The following ITM2B variants were observed in gnomAD, a reference collection of about 807,000 sequenced individuals.
ITM2B encodes integral membrane protein 2B.
Under a neutral mutation model 27.8 loss-of-function variants are expected in ITM2B, and 11 were observed. The observed-to-expected ratio is 0.40, with a 90% CI of 0.25 to 0.66. The LOEUF is 0.66. Among genes scored for constraint, ITM2B ranks in the 30% least tolerant of loss-of-function variants. The pLI, the probability that ITM2B is intolerant of heterozygous loss-of-function variation, is 0.43. For missense variants in ITM2B, 296 were observed against 328.9 expected (o/e 0.90, Z 0.77); for synonymous variants, 114 against 114.3 (o/e 1.00, Z 0.02).
intron 1 of ITM2B, among the ~76,000 whole-genome samples, chr13:48,246,834 G>GTT (rs1951726890): frequency 6.6e-6 from 1 of 151,934 alleles, no homozygotes; most frequent in Non-Finnish European, 1.5e-5. Flanking sequence ...TTAGTTTTTG[G>GTT]TTTTGTTTTG....
rs143972203 is a variant in ITM2B, at chr13:48,255,362, G to A, written c.247-815G>A. On this transcript the variant is annotated intron_variant, in intron 2 of 5. Transcript: ENST00000647800. ...GCTGGAGTGCGGTGGTGCAATCACA[G>A]CTCACTGTAGCCTCAACCTCTTGGG... Among the ~76,000 whole-genome samples, 815 of 152,176 alleles carry A rather than the reference G, an allele frequency of 5.4e-3. 7 individuals carry two copies. The highest frequency in any genetic ancestry group is 8.1e-3 in the Non-Finnish European group (553 of 67,992).
chr13:48,248,417 C>T (rs116220352), intron 1 of ITM2B, among the ~76,000 whole-genome samples: 2,682 of 151,740 alleles, frequency 0.018, 86 homozygotes, highest in African/African-American at 0.061. Flanking sequence ...AGTATAGGCA[C>T]GAGCCACTGG....
chr13:48,250,078 A>G (rs2137987991), intron 1 of ITM2B, among the ~76,000 whole-genome samples: 1 of 152,342 alleles, frequency 6.6e-6, no homozygotes, highest in South Asian at 2.1e-4. Context: ...ATTCTTGACT[A>G]TAAATCGCTC....
In ITM2B at chr13:48,267,087, A is replaced by G. The variant is rs1432931019; in HGVS notation, c.*5863A>G. 1 of 152,168 alleles carries G rather than the reference A, an allele frequency of 6.6e-6. No individual in the cohort carries two copies. The highest frequency in any genetic ancestry group is 1.5e-5 in the Non-Finnish European group (1 of 68,022). The allele number at this position is 152,168 out of a possible 1,614,324, so 9.4% of individuals were successfully genotyped here. A position where few individuals can be genotyped will look rare whatever the true frequency, so the allele number is the denominator to read the frequency against. On this transcript the variant is annotated 3_prime_UTR_variant, in exon 6 of 6. Coordinates refer to ENST00000647800, the MANE Select transcript of ITM2B (RefSeq NM_021999.5). ...CCAGGCAGGATGCTAAATGTCTTAA[A>G]AGTCCGGGAGTCCTGCACAAAAAAT... is the stretch of plus-strand genomic sequence containing the variant.
chr13:48,263,554 C>G lies in ITM2B; in HGVS notation c.*2330C>G, dbSNP rs1019122485. Reference sequence around the variant, plus strand: ...CCCAGTGGGTTCCAGGGAGACTCAGCTATCCTTCCCTCTTCTTGAGTTCTG... The same window carrying G: ...CCCAGTGGGTTCCAGGGAGACTCAGGTATCCTTCCCTCTTCTTGAGTTCTG... On this transcript the variant is annotated 3_prime_UTR_variant, in exon 6 of 6. Transcript: ENST00000647800. The G allele has an allele frequency of 6.6e-6, 1 of 152,192 alleles. No homozygotes were observed. The highest frequency in any genetic ancestry group is 1.5e-5 in the Non-Finnish European group (1 of 68,058). 9.4% of individuals were successfully genotyped at this position (152,192 alleles called of 1,614,324 possible).
chr13:48,259,869 C>CT (rs1259607813), intron 5 of ITM2B, among the ~76,000 whole-genome samples: 2 of 151,790 alleles, frequency 1.3e-5, no homozygotes, highest in African/African-American at 4.8e-5. Flanking sequence ...TTTTATTATA[C>CT]TTTAAGTTCT....
rs748399761 is a variant in ITM2B at position 48,253,819 on chromosome 13, TGTG to T, written c.132_134del (p.Val45del). Reference sequence around the variant, plus strand: ...TTTTCATATTTTAGGACCCAGATGATGTGGTACCAGTTGGCCAAAGAAGAGCCT... The same window carrying T: ...TTTTCATATTTTAGGACCCAGATGATGTACCAGTTGGCCAAAGAAGAGCCT... On this transcript the variant is annotated inframe_deletion, in exon 2 of 6. Transcript: ENST00000647800. The T allele has an allele frequency of 3.7e-5, 59 of 1,613,784 alleles. No homozygotes were observed. In the African/African-American group the frequency reaches 7.9e-4, roughly 22 times the overall value.
intron 1 of ITM2B, among the ~76,000 whole-genome samples, chr13:48,250,202 AT>A (rs561461014): frequency 9.2e-5 from 14 of 152,220 alleles, no homozygotes; most frequent in Non-Finnish European, 2.1e-4. Context: ...CTCTTGCTAA[AT>A]AGCCACAGTT....
At position 48,269,021 on chromosome 13, in the gene ITM2B, C is replaced by T. The variant is rs1021793677; in HGVS notation, c.*7797C>T. 6.6e-6 allele frequency: 1 copy of T among 152,170 alleles called. No individual in the cohort carries two copies. The highest frequency in any genetic ancestry group is 2.1e-4 in the South Asian group (1 of 4,828). The allele number at this position is 152,170 out of a possible 1,614,324, so 9.4% of individuals were successfully genotyped here. On this transcript the variant is annotated 3_prime_UTR_variant, in exon 6 of 6. Transcript: ENST00000647800. ...TCATATAAATTCCCCTTAAGGCATA[C>T]GTTGCTGTCTTTTCCAAATTCCCAT...
chr13:48,253,968 T>A, intron 2 of ITM2B, 32 bp downstream of exon 2: 1 of 1,047,450 alleles, frequency 9.5e-7, no homozygotes, highest in South Asian at 1.7e-5. Flanking sequence ...TGTCTCTGAT[T>A]TTTTTTTTTT....
intron 5 of ITM2B, among the ~76,000 whole-genome samples, chr13:48,260,431 C>T (rs560722227): frequency 1.3e-5 from 2 of 152,256 alleles, no homozygotes; most frequent in African/African-American, 2.4e-5. Context: ...CACTCTCTTC[C>T]ACAATGGTTG....
chr13:48,255,763 AAG>A (rs372388994), intron 2 of ITM2B, among the ~76,000 whole-genome samples: 184 of 152,326 alleles, frequency 1.2e-3, no homozygotes, highest in African/African-American at 4.3e-3. Context: ...AATAAGAAAA[AAG>A]TCATTTAATT....
intron 1 of ITM2B, among the ~76,000 whole-genome samples, chr13:48,251,079 A>C (rs1205484243): frequency 6.6e-6 from 1 of 152,256 alleles, no homozygotes; most frequent in Non-Finnish European, 1.5e-5. Context: ...TTGAATGAAC[A>C]TGAGAAGTCA....
chr13:48,243,991 G>A (rs1951712963), intron 1 of ITM2B, among the ~76,000 whole-genome samples: 1 of 152,106 alleles, frequency 6.6e-6, no homozygotes, highest in Non-Finnish European at 1.5e-5. Flanking sequence ...AGCACATAGA[G>A]TCAAGATAAT....
In ITM2B at chr13:48,269,432, C is replaced by G. The variant is rs1951871673; in HGVS notation, c.*8208C>G. 6.6e-6 allele frequency: 1 copy of G among 152,104 alleles called. No individual in the cohort carries two copies. Among genetic ancestry groups the G allele is most frequent in the Non-Finnish European group, 1.5e-5 (1 of 68,050 alleles). The allele number at this position is 152,104 out of a possible 1,614,324, so 9.4% of individuals were successfully genotyped here. On this transcript the variant is annotated 3_prime_UTR_variant, in exon 6 of 6. Coordinates refer to ENST00000647800, the MANE Select transcript of ITM2B (RefSeq NM_021999.5). ...GATCTTTTCTAAATCTAAGCCACAT[C>G]ATGTCACTCCCCTGCTCAAATCCCA...
At chr13:48,260,501 C>T (rs1039770286) in intron 5 of ITM2B, among the ~76,000 whole-genome samples, 1 of 152,080 alleles carries the variant, frequency 6.6e-6, no homozygotes, top group African/African-American at 2.4e-5. Context: ...GTTTTTCAAC[C>T]CTTACCTCCT....
Position 48,262,659 on chromosome 13 carries a change from A to G in ITM2B, c.*1435A>G, listed in dbSNP as rs1951829389. The G allele has an allele frequency of 6.6e-6, 1 of 151,312 alleles. No homozygotes were observed. Among genetic ancestry groups the G allele is most frequent in the African/African-American group, 2.4e-5 (1 of 41,242 alleles). The allele number at this position is 151,312 out of a possible 1,614,324, so 9.4% of individuals were successfully genotyped here. A position where few individuals can be genotyped will look rare whatever the true frequency, so the allele number is the denominator to read the frequency against. ...ATCTTTTATATGCCCAACATATGATATTGTGTTGAAGATATATCTGCAAAG... is the reference window on the plus strand; with the variant it reads ...ATCTTTTATATGCCCAACATATGATGTTGTGTTGAAGATATATCTGCAAAG... On this transcript the variant is annotated 3_prime_UTR_variant, in exon 6 of 6. Coordinates refer to ENST00000647800, the MANE Select transcript of ITM2B (RefSeq NM_021999.5).
rs1412472412 is a variant in ITM2B, at chr13:48,263,844, C to T, written c.*2620C>T. 2 of 152,042 alleles carry T rather than the reference C, an allele frequency of 1.3e-5. No homozygotes were observed. The highest frequency in any genetic ancestry group is 6.6e-5 in the Admixed American group (1 of 15,246). The allele number at this position is 152,042 out of a possible 1,614,324, so 9.4% of individuals were successfully genotyped here. The stretch of plus-strand genomic sequence containing the variant: ...TCATGACCTAACACCTCTCAAAGGC[C>T]CCATTTCCTAATACTGTCACCTTGG... On this transcript the variant is annotated 3_prime_UTR_variant, in exon 6 of 6. Coordinates refer to ENST00000647800, the MANE Select transcript of ITM2B (RefSeq NM_021999.5).
intron 1 of ITM2B, among the ~76,000 whole-genome samples, chr13:48,252,479 A>G (rs1951760967): frequency 1.3e-5 from 2 of 152,118 alleles, no homozygotes; most frequent in Admixed American, 1.3e-4. Flanking sequence ...TTAGGGATCT[A>G]GGTTGTGCGC....
Sources: gnomAD v4.1 joint callset for allele counts (sites outside exome capture counted in the v4.1 genomes callset) on GRCh38, gnomAD v4.1.1 for gene constraint, MANE v1.5 for transcripts, NCBI Gene and HGNC (gene_info 2026-07-23, HGNC 2026-07-21) for gene names.